SLC39A11: variants seen among roughly 807,000 people sequenced by gnomAD.
SLC39A11 encodes zinc transporter ZIP11.
SLC39A11 carries 33 observed loss-of-function variants against 36.1 expected under a neutral mutation model. That is an observed-to-expected ratio of 0.91 (90% CI 0.69 to 1.22). The LOEUF (loss-of-function observed/expected upper bound fraction) is 1.22. Ranked by LOEUF, SLC39A11 falls within the 50% of genes most tolerant of loss-of-function variation. The pLI is 0.00. For synonymous variants in SLC39A11, 166 were observed against 170.3 expected (o/e 0.97, Z 0.20); for missense variants, 432 against 430.3 (o/e 1.00, Z -0.03).
At chr17:72,889,377 T>TGGCGGGCAC (rs2081603660) in intron 5 of SLC39A11, among the ~76,000 whole-genome samples, 1 of 151,984 alleles carries the variant, frequency 6.6e-6, no homozygotes, top group Non-Finnish European at 1.5e-5. Flanking sequence ...CAGCTGGGCA[T>TGGCGGGCAC]GGTGGCGGGC....
At chr17:72,754,095 C>G (rs1430633597) in intron 6 of SLC39A11, among the ~76,000 whole-genome samples, 2 of 137,790 alleles carry the variant, frequency 1.5e-5, no homozygotes, top group African/African-American at 5.3e-5. Context: ...CACACACACA[C>G]AGTGGAATAC....
intron 5 of SLC39A11, among the ~76,000 whole-genome samples, chr17:72,928,626 C>G (rs1159508444): frequency 6.6e-6 from 1 of 152,114 alleles, no homozygotes; most frequent in East Asian, 1.9e-4. Flanking sequence ...TCCAGGTTCC[C>G]AGGGCCCTGA....
Position 73,010,969 on chromosome 17 carries a change from A to G in SLC39A11, c.306+20587T>C, listed in dbSNP as rs776401576. The stretch of plus-strand genomic sequence containing the variant: ...CAATTATTCTTTCATTGATTCATTC[A>G]TCAAATACCTCCTGAGAACCTACTC... On this transcript the variant is annotated intron_variant, in intron 4 of 9. Coordinates refer to ENST00000255559, the MANE Select transcript of SLC39A11 (RefSeq NM_139177.4). Among the ~76,000 whole-genome samples, 67 of 152,308 alleles carry G rather than the reference A, an allele frequency of 4.4e-4. 2 individuals are homozygous for G. The highest frequency in any genetic ancestry group is 3.4e-3 in the Middle Eastern group (1 of 294).
intron 6 of SLC39A11, among the ~76,000 whole-genome samples, chr17:72,834,323 T>C (rs1225819234): frequency 6.6e-6 from 1 of 152,162 alleles, no homozygotes; most frequent in Admixed American, 6.5e-5. Context: ...ACACAGCAAG[T>C]CTAAAAGATC....
At chr17:73,075,626 G>T (rs947751456) in intron 3 of SLC39A11, among the ~76,000 whole-genome samples, 6 of 152,218 alleles carry the variant, frequency 3.9e-5, no homozygotes, top group African/African-American at 1.4e-4. Context: ...GCCAAGGTGG[G>T]TGGATCACCT....
At chr17:72,758,662 G>A (rs933924311) in intron 6 of SLC39A11, among the ~76,000 whole-genome samples, 2 of 152,136 alleles carry the variant, frequency 1.3e-5, no homozygotes, top group Non-Finnish European at 2.9e-5. Context: ...TGAACTACTG[G>A]GAAGGTCAGG....
intron 4 of SLC39A11, among the ~76,000 whole-genome samples, chr17:72,967,399 A>AGAGAGAGAGAGAGAGAGAGAGAGAGT (rs143987646): frequency 2.9e-5 from 4 of 138,278 alleles, no homozygotes; most frequent in African/African-American, 1.1e-4. Context: ...AGAGAGAGAG[A>AGAGAGAGAGAGAGAGAGAGAGAGAGT]GTGTGTGTGT....
intron 7 of SLC39A11, among the ~76,000 whole-genome samples, chr17:72,672,565 T>C (rs1185790645): frequency 6.6e-6 from 1 of 152,206 alleles, no homozygotes; most frequent in Admixed American, 6.5e-5. Context: ...TTGGGCCAAA[T>C]ATGGCCTACC....
At position 72,784,636 on chromosome 17, in the gene SLC39A11, G is replaced by A. The variant is rs73354712; in HGVS notation, c.602-47917C>T. On this transcript the variant is annotated intron_variant, in intron 6 of 9. Transcript: ENST00000255559. ...GGATCCCTAATGGGTTGGTGCTGTGGTGACAGTGAGTTCTCACGAGAGCTG... is the reference window on the plus strand; with the variant it reads ...GGATCCCTAATGGGTTGGTGCTGTGATGACAGTGAGTTCTCACGAGAGCTG... 5.6e-3 allele frequency among the ~76,000 whole-genome samples: 850 copies of A among 152,120 alleles called. 8 individuals carry two copies. The highest frequency in any genetic ancestry group is 0.019 in the African/African-American group (800 of 41,510).
At chr17:72,791,133 G>T (rs1158506076) in intron 6 of SLC39A11, among the ~76,000 whole-genome samples, 3 of 147,728 alleles carry the variant, frequency 2.0e-5, no homozygotes, top group Non-Finnish European at 4.5e-5. Flanking sequence ...ACACAGCAAA[G>T]TTCTCCAGGT....
chr17:72,674,981 T>C (rs1384090639), intron 7 of SLC39A11, among the ~76,000 whole-genome samples: 3 of 84,760 alleles, frequency 3.5e-5, no homozygotes, highest in African/African-American at 1.2e-4. Context: ...AAAGTGTGTG[T>C]GCGTATGTGT....
intron 4 of SLC39A11, among the ~76,000 whole-genome samples, chr17:73,011,500 G>A (rs750785802): frequency 6.6e-5 from 10 of 152,090 alleles, no homozygotes; most frequent in African/African-American, 9.7e-5. Flanking sequence ...GATCTGGAGC[G>A]GGGAGACGAA....
At chr17:72,788,440 G>A (rs576977207) in intron 6 of SLC39A11, among the ~76,000 whole-genome samples, 3 of 152,304 alleles carry the variant, frequency 2.0e-5, no homozygotes, top group Admixed American at 2.0e-4. Context: ...ATTTCTTAGA[G>A]AAGAGGGCAA....
intron 4 of SLC39A11, among the ~76,000 whole-genome samples, chr17:72,998,386 T>C (rs1364969893): frequency 6.6e-6 from 1 of 152,128 alleles, no homozygotes; most frequent in African/African-American, 2.4e-5. Flanking sequence ...ATGCACCAAT[T>C]TTAGGAAGCC....
At chr17:72,895,902 A>G (rs1008494240) in intron 5 of SLC39A11, among the ~76,000 whole-genome samples, 1 of 152,188 alleles carries the variant, frequency 6.6e-6, no homozygotes, top group Non-Finnish European at 1.5e-5. Context: ...GCTAATATAG[A>G]TCATACACAA....
intron 5 of SLC39A11, among the ~76,000 whole-genome samples, chr17:72,891,066 T>G (rs184110126): frequency 9.8e-6 from 1 of 101,952 alleles, no homozygotes; most frequent in African/African-American, 3.9e-5. Flanking sequence ...GTTGAAAACA[T>G]AAGAAAACAA....
chr17:72,741,715 G>A (rs2074713227), intron 6 of SLC39A11, among the ~76,000 whole-genome samples: 2 of 152,202 alleles, frequency 1.3e-5, no homozygotes. Context: ...ATCAGAGAGG[G>A]AAGGTGATGG....
intron 5 of SLC39A11, among the ~76,000 whole-genome samples, chr17:72,945,815 C>A (rs547792706): frequency 1.3e-5 from 2 of 152,358 alleles, no homozygotes; most frequent in East Asian, 3.9e-4. Flanking sequence ...ACTCCCCTGA[C>A]CCCGTCCCGG....
chr17:72,896,520 A>T (rs2082039162), intron 5 of SLC39A11, among the ~76,000 whole-genome samples: 1 of 151,830 alleles, frequency 6.6e-6, no homozygotes, highest in Non-Finnish European at 1.5e-5. Flanking sequence ...TCCTTTATTC[A>T]CTCAGTAAAC....
Sources: allele counts gnomAD v4.1 joint callset (sites outside exome capture counted in the v4.1 genomes callset), GRCh38; gene constraint gnomAD v4.1.1; transcripts MANE v1.5; gene names NCBI Gene and HGNC (gene_info 2026-07-23, HGNC 2026-07-21).